Variants in PRICKLE2 observed in about 807,000 individuals in gnomAD.
PRICKLE2 encodes prickle-like protein 2.
Under a neutral mutation model 81.4 loss-of-function variants are expected in PRICKLE2, and 21 were observed. That is an observed-to-expected ratio of 0.26 (90% confidence interval 0.18 to 0.37). The LOEUF (loss-of-function observed/expected upper bound fraction) is 0.37, where lower values mean the gene tolerates loss of function less well. Ranked by LOEUF, PRICKLE2 falls within the 10% of genes least tolerant of loss-of-function variation. PRICKLE2 has a pLI of 1.00. For missense variants in PRICKLE2, 940 were observed against 1,109.0 expected (o/e 0.85, Z 2.16); for synonymous variants, 456 against 421.5 (o/e 1.08, Z -1.00).
chr3:64,155,608 A>T (rs1473243440), intron 5 of PRICKLE2, among the ~76,000 whole-genome samples: 1 of 152,226 alleles, frequency 6.6e-6, no homozygotes, highest in African/African-American at 2.4e-5. Flanking sequence ...TAGAGTAGCC[A>T]AAAAGTGGAA....
intron 2 of PRICKLE2, among the ~76,000 whole-genome samples, chr3:64,193,647 C>A (rs1194999493): frequency 2.0e-5 from 3 of 152,124 alleles, no homozygotes; most frequent in Non-Finnish European, 4.4e-5. Context: ...GGCTGTGTCC[C>A]CACCCAAATC....
At chr3:64,206,103 C>A (rs1405904653) in intron 1 of PRICKLE2, among the ~76,000 whole-genome samples, 1 of 152,148 alleles carries the variant, frequency 6.6e-6, no homozygotes, top group African/African-American at 2.4e-5. Context: ...AATAATAATT[C>A]TAGTTGTGAG....
intron 7 of PRICKLE2, among the ~76,000 whole-genome samples, chr3:64,108,568 C>A (rs2076792093): frequency 6.6e-6 from 1 of 152,092 alleles, no homozygotes; most frequent in African/African-American, 2.4e-5. Context: ...TATGAATGCA[C>A]TCGAAAGTGT....
At chr3:64,204,300 A>G (rs1450274259) in intron 1 of PRICKLE2, among the ~76,000 whole-genome samples, 2 of 152,130 alleles carry the variant, frequency 1.3e-5, no homozygotes, top group African/African-American at 4.8e-5. Flanking sequence ...GTTGCTTTAT[A>G]CCTTACATAC....
rs1246265547 is a variant in PRICKLE2 at position 64,097,768 on chromosome 3, T to C, written c.*1283A>G. The C allele has an allele frequency of 6.6e-6, 1 of 152,610 alleles. No individual in the cohort carries two copies. The highest frequency in any genetic ancestry group is 1.5e-5 in the Non-Finnish European group (1 of 68,052). 9.5% of individuals were successfully genotyped at this position (152,610 alleles called of 1,614,324 possible). A position where few individuals can be genotyped will look rare whatever the true frequency, so the allele number is the denominator to read the frequency against. On this transcript the variant is annotated 3_prime_UTR_variant, in exon 8 of 8. Coordinates refer to ENST00000638394, the MANE Select transcript of PRICKLE2 (RefSeq NM_198859.4). ...TGGTTACACTGGACTCTTTCTACAA[T>C]CTCTGGGAGCTCTTCGAGGTGGTTG...
chr3:64,142,978 G>T (rs748058379), intron 7 of PRICKLE2, among the ~76,000 whole-genome samples: 17 of 152,186 alleles, frequency 1.1e-4, no homozygotes, highest in Middle Eastern at 3.4e-3. Context: ...CCCAGCAAGT[G>T]TGACTCCAGA....
intron 5 of PRICKLE2, chr3:64,155,159 A>AAC (rs1333110921): frequency 2.7e-5 from 4 of 148,112 alleles, no homozygotes; most frequent in African/African-American, 9.8e-5. Context: ...AAAAAAAAAA[A>AAC]AAAAAAAAAA....
rs141791087 is a variant in PRICKLE2 at position 64,099,611 on chromosome 3, C to G, written c.1975G>C (p.Gly659Arg). Residue 659 changes from glycine to arginine, a missense_variant, in exon 8 of 8, where the codon GGC becomes CGC. By Grantham distance (125) the Gly-to-Arg change is moderately radical. Around this residue, in one of 2 missense-constraint regions of PRICKLE2, gnomAD observed 670 missense variants for 717.2 expected, o/e 0.93. Coordinates refer to ENST00000638394, the MANE Select transcript of PRICKLE2 (RefSeq NM_198859.4). This position sits in a 1 kb window ranked among gnomAD's most constrained non-coding sequence, Gnocchi z 4.3. ...TCACTCATGGGCTGGATCCTCACGC[C>G]CTCCTGCCCTGGCAGCTTGCTGCCC... ...MAGSKLPGQE[G>R]VRIQPMSERT... 2 of 1,613,958 alleles carry G rather than the reference C, an allele frequency of 1.2e-6. No homozygotes were observed. Among genetic ancestry groups the G allele is most frequent in the Admixed American group, 1.7e-5 (1 of 60,030 alleles).
At chr3:64,116,298 A>T (rs2076933315) in intron 7 of PRICKLE2, among the ~76,000 whole-genome samples, 1 of 152,182 alleles carries the variant, frequency 6.6e-6, no homozygotes, top group South Asian at 2.1e-4. Flanking sequence ...CTAGAGAATC[A>T]AGTGCAAAGA....
intron 7 of PRICKLE2, 193 bp from the exon 8 acceptor site, chr3:64,100,118 G>C (rs1342581706): frequency 1.7e-6 from 1 of 604,130 alleles, no homozygotes; most frequent in Non-Finnish European, 2.9e-6. Flanking sequence ...TATCTACCTA[G>C]AGGGGGCACT....
At chr3:64,144,363 C>T (rs535563326) in intron 7 of PRICKLE2, among the ~76,000 whole-genome samples, 1 of 152,314 alleles carries the variant, frequency 6.6e-6, no homozygotes, top group South Asian at 2.1e-4. Context: ...AATATTCCTC[C>T]CTCACAGTGT....
chr3:64,196,343 C>T (rs1446367919), intron 2 of PRICKLE2, among the ~76,000 whole-genome samples: 3 of 152,152 alleles, frequency 2.0e-5, no homozygotes, highest in African/African-American at 7.2e-5. Context: ...GAAAGATGGG[C>T]TGCTTAAAGC....
At chr3:64,196,575 T>G (rs962715999) in intron 2 of PRICKLE2, among the ~76,000 whole-genome samples, 1 of 152,194 alleles carries the variant, frequency 6.6e-6, no homozygotes, top group Non-Finnish European at 1.5e-5. Context: ...AAACAGAAGA[T>G]ATAACCTCAA....
At chr3:64,104,116 T>C (rs1208721021) in intron 7 of PRICKLE2, among the ~76,000 whole-genome samples, 1 of 152,272 alleles carries the variant, frequency 6.6e-6, no homozygotes, top group Non-Finnish European at 1.5e-5. Context: ...TCAATTTCGT[T>C]CCTGGGATAA....
At chr3:64,171,327 G>A (rs1195760630) in intron 2 of PRICKLE2, among the ~76,000 whole-genome samples, 1 of 152,104 alleles carries the variant, frequency 6.6e-6, no homozygotes, top group Admixed American at 6.5e-5. Context: ...TTTTGTTATT[G>A]CAACTTGGGG....
intron 1 of PRICKLE2, among the ~76,000 whole-genome samples, chr3:64,224,469 T>A (rs1227055939): frequency 1.3e-5 from 2 of 152,132 alleles, no homozygotes; most frequent in Admixed American, 1.3e-4. Context: ...CCTAAATAAT[T>A]TGAAAGCCAT....
chr3:64,220,969 T>C (rs936518576), intron 1 of PRICKLE2, among the ~76,000 whole-genome samples: 1 of 152,172 alleles, frequency 6.6e-6, no homozygotes, highest in Non-Finnish European at 1.5e-5. Context: ...GTGGAAAACA[T>C]GTGCAGTGCT....
At chr3:64,265,617 G>A (rs921267807) in intron 2 of PRICKLE2, among the ~76,000 whole-genome samples, 4 of 152,090 alleles carry the variant, frequency 2.6e-5, no homozygotes, top group Non-Finnish European at 4.4e-5. Context: ...TCCCTCAGTT[G>A]CCTCTTACCG....
intron 2 of PRICKLE2, among the ~76,000 whole-genome samples, chr3:64,179,703 T>C (rs972284100): frequency 1.3e-5 from 2 of 152,150 alleles, no homozygotes; most frequent in Non-Finnish European, 2.9e-5. Flanking sequence ...CAAATGACCA[T>C]GAAAGTGCTG....
Sources: allele counts gnomAD v4.1 joint callset (sites outside exome capture counted in the v4.1 genomes callset), GRCh38; gene constraint gnomAD v4.1.1; regional missense constraint gnomAD v4.1.1; non-coding constraint Gnocchi (gnomAD v3.1); transcripts MANE v1.5; gene names NCBI Gene and HGNC (gene_info 2026-07-23, HGNC 2026-07-21).